The following LDLRAD3 variants were observed in gnomAD, a reference collection of about 807,000 sequenced individuals.
LDLRAD3 encodes low-density lipoprotein receptor class A domain-containing protein 3.
Under a neutral mutation model 29.4 loss-of-function variants are expected in LDLRAD3, and 20 were observed. That is an observed-to-expected ratio of 0.68 (90% confidence interval 0.48 to 0.99). The LOEUF is 0.99. LDLRAD3 is among the 50% of genes least tolerant of loss of function. The pLI is 0.00. For synonymous variants in LDLRAD3, 157 were observed against 192.7 expected (o/e 0.81, Z 1.53); for missense variants, 420 against 454.3 (o/e 0.92, Z 0.69).
At chr11:36,182,225 T>C (rs1403422725) in intron 4 of LDLRAD3, among the ~76,000 whole-genome samples, 2 of 152,136 alleles carry the variant, frequency 1.3e-5, no homozygotes, top group Non-Finnish European at 2.9e-5. Context: ...TGCTTGGAAA[T>C]GATCCCCAGG....
At chr11:36,127,870 C>A (rs1285123399) in intron 4 of LDLRAD3, among the ~76,000 whole-genome samples, 3 of 152,014 alleles carry the variant, frequency 2.0e-5, no homozygotes, top group East Asian at 1.9e-4. Context: ...TTTTGTTCTT[C>A]TGCAGGTACC....
intron 2 of LDLRAD3, among the ~76,000 whole-genome samples, chr11:36,055,582 G>A (rs1191972237): frequency 6.6e-6 from 1 of 152,222 alleles, no homozygotes; most frequent in African/African-American, 2.4e-5. Context: ...GGCACTATCG[G>A]CCCAGAAGGG....
At chr11:36,154,305 C>T (rs903910445) in intron 4 of LDLRAD3, among the ~76,000 whole-genome samples, 3 of 152,170 alleles carry the variant, frequency 2.0e-5, no homozygotes, top group Non-Finnish European at 4.4e-5. Context: ...ACCCAGCCTG[C>T]GGGTGAGCCA....
In LDLRAD3 at chr11:36,227,100, A is replaced by T; in HGVS notation, c.470A>T (p.Gln157Leu). The change falls in exon 5 of 6, where the codon CAG becomes CTG. Residue 157 changes from glutamine (Q) to leucine (L), a missense_variant. Gln to Leu is a moderately radical substitution (Grantham distance 113). This residue lies in a region of LDLRAD3 where 224 missense variants were observed against 222.2 expected (regional missense o/e 1.01). Coordinates refer to ENST00000315571, the MANE Select transcript of LDLRAD3 (RefSeq NM_174902.4). ...CESSQEPGSG[Q>L]VFVTSENQLV... Reference sequence around the variant, plus strand: ...GGTTTCTCAGAACCCGGCAGTGGGCAGGTGTTTGTGACTTCAGAGAACCAA... The same window carrying T: ...GGTTTCTCAGAACCCGGCAGTGGGCTGGTGTTTGTGACTTCAGAGAACCAA... 2.5e-6 allele frequency: 4 copies of T among 1,595,024 alleles called. No individual in the cohort carries two copies. The highest frequency in any genetic ancestry group is 3.4e-6 in the Non-Finnish European group (4 of 1,165,748).
intron 2 of LDLRAD3, among the ~76,000 whole-genome samples, chr11:36,080,302 T>C (rs183194493): frequency 6.6e-6 from 1 of 152,334 alleles, no homozygotes; most frequent in Admixed American, 6.5e-5. Context: ...GGAGAGTACA[T>C]TACCCCACAG....
chr11:36,025,420 G>T, intron 1 of LDLRAD3, among the ~76,000 whole-genome samples: 1 of 141,468 alleles, frequency 7.1e-6, no homozygotes, highest in Non-Finnish European at 1.5e-5. Context: ...ATGGAGTCTC[G>T]CTCTCTCTCC....
At chr11:35,953,375 A>G (rs1362980826) in intron 1 of LDLRAD3, among the ~76,000 whole-genome samples, 1 of 152,224 alleles carries the variant, frequency 6.6e-6, no homozygotes, top group Non-Finnish European at 1.5e-5. Flanking sequence ...CCAAGGTGCC[A>G]GTGTTCCAGG....
intron 4 of LDLRAD3, among the ~76,000 whole-genome samples, chr11:36,198,340 A>T (rs1248823099): frequency 6.6e-6 from 1 of 151,812 alleles, no homozygotes; most frequent in Admixed American, 6.6e-5. Context: ...TGCTATATAT[A>T]GCCCTCTACA....
intron 2 of LDLRAD3, among the ~76,000 whole-genome samples, chr11:36,056,765 C>G (rs185346515): frequency 3.3e-5 from 5 of 152,310 alleles, no homozygotes; most frequent in Admixed American, 2.6e-4. Context: ...ACTTTGCTAT[C>G]TCCTGTTAAA....
intron 4 of LDLRAD3, among the ~76,000 whole-genome samples, chr11:36,194,414 T>C: frequency 6.6e-6 from 1 of 152,130 alleles, no homozygotes; most frequent in South Asian, 2.1e-4. Flanking sequence ...AATCCTATTG[T>C]GTATCTGGAA....
In LDLRAD3 at chr11:36,167,471, C is replaced by G. The variant is rs1294949216; in HGVS notation, c.455-59614C>G. ...CCTAAATCCAATATGTCTCATGTCC[C>G]TGTAAGAAGAAGGAATTTTGGACAC... is the stretch of plus-strand genomic sequence containing the variant. On this transcript the variant is annotated intron_variant, in intron 4 of 5. Transcript: ENST00000315571. Among the ~76,000 whole-genome samples the G allele has an allele frequency of 2.1e-5, 3 of 145,494 alleles. No individual in the cohort carries two copies. In the East Asian group the frequency reaches 6.0e-4, roughly 29 times the overall value.
At chr11:36,209,394 C>T (rs1013794352) in intron 4 of LDLRAD3, among the ~76,000 whole-genome samples, 20 of 126,728 alleles carry the variant, frequency 1.6e-4, no homozygotes, top group Non-Finnish European at 2.5e-4. Context: ...GAGTCTCGCT[C>T]TGTCACCCAG....
chr11:36,122,992 G>A (rs369834381), intron 4 of LDLRAD3, among the ~76,000 whole-genome samples: 4 of 152,080 alleles, frequency 2.6e-5, no homozygotes, highest in African/African-American at 7.2e-5. Flanking sequence ...CCTGGGCCAC[G>A]CAGTGAGACC....
intron 3 of LDLRAD3, among the ~76,000 whole-genome samples, chr11:36,084,608 T>A (rs1853168748): frequency 6.6e-6 from 1 of 152,204 alleles, no homozygotes; most frequent in Non-Finnish European, 1.5e-5. Flanking sequence ...ATAGCTGACT[T>A]TAAAAGGTTA....
At chr11:36,132,088 A>G (rs1352665210) in intron 4 of LDLRAD3, among the ~76,000 whole-genome samples, 1 of 151,874 alleles carries the variant, frequency 6.6e-6, no homozygotes, top group African/African-American at 2.4e-5. Context: ...GATCCCTTGG[A>G]AACTTACAAC....
chr11:36,197,661 A>T (rs61879036), intron 4 of LDLRAD3: 12,277 of 152,290 alleles, frequency 0.081, 543 homozygotes, highest in East Asian at 0.19. Context: ...GGTGCTGGGA[A>T]CAAAGTTGTC....
chr11:36,065,755 T>A (rs1295255102), intron 2 of LDLRAD3, among the ~76,000 whole-genome samples: 2 of 152,190 alleles, frequency 1.3e-5, no homozygotes, highest in African/African-American at 2.4e-5. Flanking sequence ...GGTGTTACAG[T>A]GGCTTATCTT....
intron 1 of LDLRAD3, among the ~76,000 whole-genome samples, chr11:36,018,462 T>G (rs573039631): frequency 6.6e-6 from 1 of 152,338 alleles, no homozygotes; most frequent in South Asian, 2.1e-4. Context: ...TCACAAACTT[T>G]GAAGATCCCT....
chr11:36,117,163 A>G lies in LDLRAD3; in HGVS notation c.454+18702A>G, dbSNP rs141429737. Among the ~76,000 whole-genome samples, 267 of 152,140 alleles carry G rather than the reference A, an allele frequency of 1.8e-3. 1 individual carries two copies. Among genetic ancestry groups the G allele is most frequent in the Middle Eastern group, 6.8e-3 (2 of 294 alleles). ...ATGAGCCACCGCACCTGGCCTGCCT[A>G]AGTAATCATTTAGAGCAAAAGTTGT... On this transcript the variant is annotated intron_variant, in intron 4 of 5. Coordinates refer to ENST00000315571, the MANE Select transcript of LDLRAD3 (RefSeq NM_174902.4).
Sources: allele counts gnomAD v4.1 joint callset (sites outside exome capture counted in the v4.1 genomes callset), GRCh38; gene constraint gnomAD v4.1.1; regional missense constraint gnomAD v4.1.1; transcripts MANE v1.5; gene names NCBI Gene and HGNC (gene_info 2026-07-23, HGNC 2026-07-21).